The following DONSON variants were observed in gnomAD, a reference collection of about 807,000 sequenced individuals.
DONSON encodes protein downstream neighbor of Son.
In DONSON, 43 loss-of-function variants were observed where a neutral mutation model predicts 62.1. That is an observed-to-expected ratio of 0.69 (90% CI 0.54 to 0.89). The LOEUF is 0.89. Ranked by LOEUF, DONSON falls within the 40% of genes least tolerant of loss-of-function variation. The pLI, the probability that DONSON is intolerant of heterozygous loss-of-function variation, is 0.00. For missense variants in DONSON, 696 were observed against 697.5 expected (o/e 1.00, Z 0.03); for synonymous variants, 266 against 264.6 (o/e 1.01, Z -0.05).
At chr21:33,584,018 A>T (rs1433548156) in intron 4 of DONSON, among the ~76,000 whole-genome samples, 3 of 37,990 alleles carry the variant, frequency 7.9e-5, no homozygotes, top group Non-Finnish European at 1.5e-4. Context: ...GCGTGTTTAT[A>T]TATATATATA....
At chr21:33,579,821 T>C (rs1195319589) in intron 8 of DONSON, among the ~76,000 whole-genome samples, 1 of 152,224 alleles carries the variant, frequency 6.6e-6, no homozygotes, top group Non-Finnish European at 1.5e-5. Context: ...TTTTATCTGA[T>C]TTAGTAATAC....
At chr21:33,581,643 G>A (rs1242149615) in intron 7 of DONSON, 143 bp from the exon 8 acceptor site, 2 of 743,134 alleles carry the variant, frequency 2.7e-6, no homozygotes, top group East Asian at 5.4e-5. Context: ...CGAATCATAA[G>A]GCATATGTTT....
chr21:33,581,538 T>C, intron 7 of DONSON, 38 bp from the exon 8 acceptor site: 1 of 1,560,744 alleles, frequency 6.4e-7, no homozygotes, highest in Non-Finnish European at 8.8e-7. Flanking sequence ...AAAGCAAATC[T>C]CACCTAATGT....
chr21:33,583,712 G>A (rs772691517), intron 4 of DONSON, 46 bp from the exon 5 acceptor site: 14 of 1,385,076 alleles, frequency 1.0e-5, no homozygotes, highest in South Asian at 5.4e-5. Context: ...AACATTTAAT[G>A]CAATGTTTAT....
rs940080293 is a variant in DONSON, at chr21:33,578,329, T to C, written c.1679A>G (p.Tyr560Cys). Reference protein sequence around the residue: ...SSLRNVVLRDYIYNWRS With the variant: ...SSLRNVVLRDCIYNWRS Reference sequence around the variant, plus strand: ...TGTTCAGGATCTCCAATTATAAATGTAGTCTCTCAGCACCACATTCCGTAA... The same window carrying C: ...TGTTCAGGATCTCCAATTATAAATGCAGTCTCTCAGCACCACATTCCGTAA... The change falls in exon 10 of 10, where the codon TAC becomes TGC. Residue 560 changes from tyrosine to cysteine, a missense_variant. Coordinates refer to ENST00000303071, the MANE Select transcript of DONSON (RefSeq NM_017613.4). 11 of 1,613,850 alleles carry C rather than the reference T, an allele frequency of 6.8e-6. No homozygotes were observed. Among genetic ancestry groups the C allele is most frequent in the Non-Finnish European group, 9.3e-6 (11 of 1,179,876 alleles).
intron 5 of DONSON, 25 bp downstream of exon 5, chr21:33,583,463 T>A: frequency 1.3e-5 from 21 of 1,607,300 alleles, no homozygotes; most frequent in Non-Finnish European, 1.7e-5. Context: ...AGTATAGTAT[T>A]CTCACTTTAA....
chr21:33,585,066 G>GT (rs2086562270), intron 3 of DONSON, among the ~76,000 whole-genome samples: 1 of 152,068 alleles, frequency 6.6e-6, no homozygotes, highest in Non-Finnish European at 1.5e-5. Context: ...GTGTGTGTAG[G>GT]TAACACTACA....
In DONSON at chr21:33,577,885, T is replaced by C. The variant is rs1035260416; in HGVS notation, c.*422A>G. 1 of 154,106 alleles carries C rather than the reference T, an allele frequency of 6.5e-6. No homozygotes were observed. The highest frequency in any genetic ancestry group is 2.4e-5 in the African/African-American group (1 of 41,504). 9.5% of individuals were successfully genotyped at this position (154,106 alleles called of 1,614,324 possible). A position where few individuals can be genotyped will look rare whatever the true frequency, so the allele number is the denominator to read the frequency against. Reference sequence around the variant, plus strand: ...TAGGAAAGATATTAAGGTAGAAGCATCACCAATCAACTAGCTCAGTAGATG... The same window carrying C: ...TAGGAAAGATATTAAGGTAGAAGCACCACCAATCAACTAGCTCAGTAGATG... On this transcript the variant is annotated 3_prime_UTR_variant, in exon 10 of 10. Coordinates refer to ENST00000303071, the MANE Select transcript of DONSON (RefSeq NM_017613.4).
rs1345080144 is a variant in DONSON, at chr21:33,586,249, T to C, written c.403-68A>G. The C allele has an allele frequency of 2.4e-6, 3 of 1,266,940 alleles. No homozygotes were observed. In the Admixed American group the frequency reaches 5.6e-5, roughly 24 times the overall value. 78.5% of individuals were successfully genotyped at this position (1,266,940 alleles called of 1,614,324 possible). On this transcript the variant is annotated intron_variant, in intron 2 of 9. Coordinates refer to ENST00000303071, the MANE Select transcript of DONSON (RefSeq NM_017613.4). ...AAAAACCTTCAACCTAAAGATTTTA[T>C]CAGCTAACATGATCACTGAAAAGTA...
chr21:33,587,442 T>C lies in DONSON; in HGVS notation c.402+80A>G, dbSNP rs571947961. 148 of 1,467,648 alleles carry C rather than the reference T, an allele frequency of 1.0e-4. No individual in the cohort carries two copies. The African/African-American group carries it at 2.0e-3, about 20-fold the overall frequency. 90.9% of individuals were successfully genotyped at this position (1,467,648 alleles called of 1,614,324 possible). ...AAAATGCTTCTGAGAAGTATAAATG[T>C]ATTTTTAAAAATAGGCTCAAATCCT... On this transcript the variant is annotated intron_variant, in intron 2 of 9. Coordinates refer to ENST00000303071, the MANE Select transcript of DONSON (RefSeq NM_017613.4).
chr21:33,579,240 A>G, intron 9 of DONSON, 110 bp downstream of exon 9: 1 of 732,666 alleles, frequency 1.4e-6, no homozygotes, highest in South Asian at 3.7e-5. Flanking sequence ...ATTAAGTAAC[A>G]GTTTAATTAC....
intron 3 of DONSON, 27 bp downstream of exon 3, chr21:33,585,951 C>T (rs2086572561): frequency 6.2e-7 from 1 of 1,609,332 alleles, no homozygotes; most frequent in African/African-American, 1.3e-5. Context: ...GTTACTTTAA[C>T]ACATAACTAT....
At chr21:33,581,809 T>C (rs763771852) in intron 7 of DONSON, 142 bp downstream of exon 7, 2 of 765,370 alleles carry the variant, frequency 2.6e-6, no homozygotes, top group Non-Finnish European at 4.2e-6. Flanking sequence ...TAGGGGCTTA[T>C]TTAGTATTAC....
chr21:33,577,684 CA>C lies in DONSON; in HGVS notation c.*622del, dbSNP rs1569073216. 5.1e-4 allele frequency: 57 copies of C among 110,842 alleles called. No homozygotes were observed. Among genetic ancestry groups the C allele is most frequent in the Non-Finnish European group, 7.1e-4 (40 of 56,676 alleles). The allele number at this position is 110,842 out of a possible 1,614,324, so 6.9% of individuals were successfully genotyped here. ...ACACACACACACACACACACACACA[CA>C]CACACACACACACACACCCCTATAA... On this transcript the variant is annotated 3_prime_UTR_variant, in exon 10 of 10. Coordinates refer to ENST00000303071, the MANE Select transcript of DONSON (RefSeq NM_017613.4).
intron 3 of DONSON, among the ~76,000 whole-genome samples, chr21:33,585,441 T>C (rs1472393654): frequency 6.9e-6 from 1 of 145,760 alleles, no homozygotes; most frequent in Non-Finnish European, 1.5e-5. Flanking sequence ...TTACTCAGGC[T>C]GGTCTCAAGC....
At position 33,583,597 on chromosome 21, in the gene DONSON, G is replaced by A. The variant is rs371043498; in HGVS notation, c.855C>T (p.Thr285=). 6.2e-7 allele frequency: 1 copy of A among 1,613,608 alleles called. No individual in the cohort carries two copies. Among genetic ancestry groups the A allele is most frequent in the Non-Finnish European group, 8.5e-7 (1 of 1,179,738 alleles). The change falls in exon 5 of 10, where the codon ACC becomes ACT. Residue 285 remains threonine (T), a synonymous_variant. Coordinates refer to ENST00000303071, the MANE Select transcript of DONSON (RefSeq NM_017613.4). ...CTCGGAACAGGACAGTAAACTGATA[G>A]GTACAAACGTAGAAATAGGGGCAAA... is the stretch of plus-strand genomic sequence containing the variant. ...TKLCPYFYVC[T]YQFTVLFRAA...
chr21:33,587,003 G>T (rs2086584701), intron 2 of DONSON, among the ~76,000 whole-genome samples: 1 of 152,144 alleles, frequency 6.6e-6, no homozygotes, highest in South Asian at 2.1e-4. Context: ...TAGACCATAA[G>T]AAGGTCACTT....
rs1046931222 is a variant in DONSON, at chr21:33,587,641, G to A, written c.322-39C>T. The A allele has an allele frequency of 4.2e-6, 6 of 1,418,576 alleles. No individual in the cohort carries two copies. In the African/African-American group the frequency reaches 5.8e-5, roughly 14 times the overall value. 87.9% of individuals were successfully genotyped at this position (1,418,576 alleles called of 1,614,324 possible). On this transcript the variant is annotated intron_variant, in intron 1 of 9. Coordinates refer to ENST00000303071, the MANE Select transcript of DONSON (RefSeq NM_017613.4). ...TATTCTCCTTTAAAATTTAAAGGAT[G>A]CTGAAGTTTGCGTTAAATATGTACA...
At chr21:33,580,463 CAAAAAAAAAAAAAAAAAAAAAAAAAA>C (rs57425899) in intron 8 of DONSON, among the ~76,000 whole-genome samples, 17 of 17,462 alleles carry the variant, frequency 9.7e-4, no homozygotes, top group Admixed American at 8.9e-3. Flanking sequence ...GATTCCACCT[CAAAAAAAAAAAAAAAAAAAAAAAAAA>C]AAAAAAAAAA....
Sources: gnomAD v4.1 joint callset for allele counts (sites outside exome capture counted in the v4.1 genomes callset) on GRCh38, gnomAD v4.1.1 for gene constraint, MANE v1.5 for transcripts, NCBI Gene and HGNC (gene_info 2026-07-23, HGNC 2026-07-21) for gene names.